EDA2R: variants seen among roughly 807,000 people sequenced by gnomAD.
The protein encoded by EDA2R is tumor necrosis factor receptor superfamily member 27.
A neutral mutation model predicts 20.1 loss-of-function variants in EDA2R; 26 were observed. The ratio of observed to expected loss-of-function variants is 1.30; its 90% CI spans 0.95 to 1.80. The LOEUF is 1.80. Ranked by LOEUF, EDA2R falls within the 40% of genes most tolerant of loss-of-function variation. EDA2R has a pLI of 0.00. For missense variants in EDA2R, 277 were observed against 228.7 expected (o/e 1.21, Z -1.36); for synonymous variants, 114 against 88.7 (o/e 1.29, Z -1.60).
chrX:66,619,294 A>T (rs937454116), intron 1 of EDA2R, among the ~76,000 whole-genome samples: 1 of 112,349 alleles, frequency 8.9e-6, no homozygotes, highest in Admixed American at 9.4e-5. Flanking sequence ...GCTAAAAGAA[A>T]CATTGTTCTA....
chrX:66,635,925 G>A (rs1325251803), intron 1 of EDA2R, among the ~76,000 whole-genome samples: 1 of 111,144 alleles, frequency 9.0e-6, no homozygotes. Flanking sequence ...TTTTGAGATA[G>A]GGTCTCACTT....
chrX:66,601,240 C>A (rs1432417825), intron 5 of EDA2R, among the ~76,000 whole-genome samples: 1 of 111,717 alleles, frequency 9.0e-6, no homozygotes, highest in East Asian at 2.8e-4. Context: ...CTGATATTTT[C>A]TCATTTTCAT....
intron 1 of EDA2R, among the ~76,000 whole-genome samples, chrX:66,625,558 C>T: frequency 9.0e-6 from 1 of 111,323 alleles, no homozygotes; most frequent in Non-Finnish European, 1.9e-5. Flanking sequence ...TCTACCCCCA[C>T]CTGATGGGCC....
intron 1 of EDA2R, among the ~76,000 whole-genome samples, chrX:66,633,108 A>C (rs772396102): frequency 1.8e-5 from 2 of 112,396 alleles, no homozygotes; most frequent in African/African-American, 3.2e-5. Context: ...TTAATAACCA[A>C]CTGAACTGGG....
chrX:66,627,566 C>A (rs1006533397), intron 1 of EDA2R, among the ~76,000 whole-genome samples: 7 of 112,230 alleles, frequency 6.2e-5, no homozygotes, highest in African/African-American at 9.7e-5. Flanking sequence ...AAGTCCTTGT[C>A]CAACAGGAAA....
At position 66,597,137 on chromosome X, in the gene EDA2R, C is replaced by T. The variant is rs769549875; in HGVS notation, c.*967G>A. 3 of 113,002 alleles carry T rather than the reference C, an allele frequency of 2.7e-5. No individual in the cohort carries two copies. The highest frequency in any genetic ancestry group is 3.7e-5 in the Non-Finnish European group (2 of 53,417). The allele number at this position is 113,002 out of a possible 1,213,427, so 9.3% of individuals were successfully genotyped here. ...TTAATAGTTGTGGGACAGGAACTAG[C>T]TGTACAAGTTTCAGACAGATTCTTG... On this transcript the variant is annotated 3_prime_UTR_variant, in exon 7 of 7. Transcript: ENST00000374719.
intron 2 of EDA2R, among the ~76,000 whole-genome samples, chrX:66,613,332 G>A (rs1931109871): frequency 9.0e-6 from 1 of 111,225 alleles, no homozygotes; most frequent in Admixed American, 9.6e-5. Flanking sequence ...TTCCTTATGT[G>A]AGTAGACAAA....
intron 2 of EDA2R, among the ~76,000 whole-genome samples, chrX:66,608,157 C>A (rs755351241): frequency 1.8e-3 from 201 of 111,468 alleles, no homozygotes; most frequent in African/African-American, 6.4e-3. Context: ...TTTAAATTAT[C>A]AAGTCTGAGG....
chrX:66,627,311 T>C (rs1442140599), intron 1 of EDA2R, among the ~76,000 whole-genome samples: 3 of 112,321 alleles, frequency 2.7e-5, no homozygotes, highest in African/African-American at 9.7e-5. Flanking sequence ...ATGGCCTAAA[T>C]GCTCCACTTA....
chrX:66,613,093 A>G (rs182618154), intron 2 of EDA2R, among the ~76,000 whole-genome samples: 22 of 111,714 alleles, frequency 2.0e-4, no homozygotes, highest in Non-Finnish European at 3.2e-4. Context: ...CCTTAAAACT[A>G]TAATCAAGAA....
chrX:66,634,641 C>T (rs748246504), intron 1 of EDA2R, among the ~76,000 whole-genome samples: 1 of 111,730 alleles, frequency 9.0e-6, no homozygotes, highest in Admixed American at 9.5e-5. Flanking sequence ...GAAACTAATG[C>T]TCAGAAAAGG....
chrX:66,621,250 C>T (rs1350303393), intron 1 of EDA2R, among the ~76,000 whole-genome samples: 1 of 111,877 alleles, frequency 8.9e-6, no homozygotes. Flanking sequence ...GCACTCCAGC[C>T]TGGGGGAGAA....
intron 6 of EDA2R, among the ~76,000 whole-genome samples, chrX:66,598,786 C>T (rs916153477): frequency 8.9e-5 from 10 of 111,972 alleles, no homozygotes; most frequent in Non-Finnish European, 9.4e-5. Flanking sequence ...TGAAGAAATA[C>T]GGAAGTGGGC....
intron 5 of EDA2R, 93 bp downstream of exon 5, chrX:66,602,540 G>A (rs1183627446): frequency 4.8e-5 from 46 of 959,607 alleles, no homozygotes; most frequent in Non-Finnish European, 1.4e-6. Flanking sequence ...TGGTAGAAAA[G>A]GCCCATTGTC....
chrX:66,607,083 G>A (rs920336760), intron 2 of EDA2R, among the ~76,000 whole-genome samples: 1 of 111,885 alleles, frequency 8.9e-6, no homozygotes, highest in African/African-American at 3.2e-5. Context: ...CCACATGGAG[G>A]AATTTAGAAA....
chrX:66,600,032 T>C, intron 5 of EDA2R, 172 bp from the exon 6 acceptor site: 1 of 1,159,230 alleles, frequency 8.6e-7, no homozygotes, highest in Non-Finnish European at 1.2e-6. Flanking sequence ...TTGAGAAACA[T>C]ACTTACATTC....
chrX:66,636,021 C>T (rs1294713350), intron 1 of EDA2R, among the ~76,000 whole-genome samples: 1 of 110,480 alleles, frequency 9.1e-6, no homozygotes, highest in African/African-American at 3.3e-5. Flanking sequence ...CTGCCTCAGC[C>T]TCCCAAGTAG....
At chrX:66,613,156 T>G (rs1931073267) in intron 2 of EDA2R, among the ~76,000 whole-genome samples, 1 of 111,977 alleles carries the variant, frequency 8.9e-6, no homozygotes, top group African/African-American at 3.2e-5. Flanking sequence ...TATTAATACA[T>G]GTCATCAAAT....
intron 1 of EDA2R, among the ~76,000 whole-genome samples, chrX:66,629,426 A>T (rs1211931597): frequency 1.8e-5 from 2 of 111,214 alleles, no homozygotes; most frequent in East Asian, 5.6e-4. Flanking sequence ...CCATATGATC[A>T]TTTACCTTGG....
Sources: gnomAD v4.1 joint callset for allele counts (sites outside exome capture counted in the v4.1 genomes callset) on GRCh38, gnomAD v4.1.1 for gene constraint, MANE v1.5 for transcripts, NCBI Gene and HGNC (gene_info 2026-07-23, HGNC 2026-07-21) for gene names.